Variants in FGFR1OP2 observed in about 807,000 individuals in gnomAD.
FGFR1OP2 encodes fibroblast growth factor receptor 1 oncogene partner 2.
Under a neutral mutation model 35.2 loss-of-function variants are expected in FGFR1OP2, and 17 were observed. The observed-to-expected ratio is 0.48, with a 90% CI of 0.33 to 0.73. The LOEUF is 0.73. Among genes scored for constraint, FGFR1OP2 ranks in the 30% least tolerant of loss-of-function variants. The pLI is 0.02. For synonymous variants in FGFR1OP2, 105 were observed against 104.6 expected, an observed-to-expected ratio of 1.00 and a Z score of -0.03; for missense variants, 251 against 307.3, an observed-to-expected ratio of 0.82 and a Z score of 1.37.
intron 1 of FGFR1OP2, among the ~76,000 whole-genome samples, chr12:26,950,678 G>A (rs1938913862): frequency 6.6e-6 from 1 of 152,186 alleles, no homozygotes; most frequent in Non-Finnish European, 1.5e-5. Context: ...TAAGTCATTT[G>A]ATCAGTCTGG....
intron 5 of FGFR1OP2, chr12:26,962,763 C>A (rs1188532770): frequency 1.3e-5 from 2 of 152,076 alleles, no homozygotes; most frequent in African/African-American, 4.8e-5. Flanking sequence ...GCAAAGAAGG[C>A]CATTTAATAT....
chr12:26,960,649 A>G lies in FGFR1OP2; in HGVS notation c.510+21A>G, dbSNP rs200647900. 29 of 1,601,242 alleles carry G rather than the reference A, an allele frequency of 1.8e-5. No homozygotes were observed. In the African/African-American group the frequency reaches 3.3e-4, roughly 18 times the overall value. Reference sequence around the variant, plus strand: ...AGAATGTACACTAAATAAACAGTCAACTTTTGGGGTGTGGATGGAAGGGGG... The same window carrying G: ...AGAATGTACACTAAATAAACAGTCAGCTTTTGGGGTGTGGATGGAAGGGGG... On this transcript the variant is annotated intron_variant, in intron 5 of 6. Transcript: ENST00000229395.
At position 26,953,032 on chromosome 12, in the gene FGFR1OP2, G is replaced by T. The variant is rs145323272; in HGVS notation, c.-14-1113G>T. Among the ~76,000 whole-genome samples the T allele has an allele frequency of 3.8e-3, 576 of 152,158 alleles. 1 individual carries two copies. The highest frequency in any genetic ancestry group is 0.013 in the African/African-American group (550 of 41,524). ...AATCCCAGCGCTTTGGGAGGCCAAG[G>T]CGGGCGGATCATGAGGTCAGGAGAT... On this transcript the variant is annotated intron_variant, in intron 1 of 6. Coordinates refer to ENST00000229395, the MANE Select transcript of FGFR1OP2 (RefSeq NM_015633.3).
In FGFR1OP2 at chr12:26,951,477, G is replaced by A. The variant is rs141581128; in HGVS notation, c.-14-2668G>A. On this transcript the variant is annotated intron_variant, in intron 1 of 6. Coordinates refer to ENST00000229395, the MANE Select transcript of FGFR1OP2 (RefSeq NM_015633.3). ...TGGTATCACAGGTGTGTGCCACCACGCCCAGCTAATTTTTGTATTTTTAGT... is the reference window on the plus strand; with the variant it reads ...TGGTATCACAGGTGTGTGCCACCACACCCAGCTAATTTTTGTATTTTTAGT... 6.7e-3 allele frequency among the ~76,000 whole-genome samples: 1,016 copies of A among 152,118 alleles called. 11 individuals are homozygous for A. The highest frequency in any genetic ancestry group is 0.023 in the African/African-American group (973 of 41,464).
At chr12:26,961,581 A>G (rs912611073) in intron 5 of FGFR1OP2, 1 of 152,220 alleles carries the variant, frequency 6.6e-6, no homozygotes, top group Non-Finnish European at 1.5e-5. Context: ...TACTAAAAAT[A>G]CAAAAAGTTA....
intron 6 of FGFR1OP2, 62 bp downstream of exon 6, chr12:26,963,517 A>G (rs1007259749): frequency 1.5e-5 from 16 of 1,062,842 alleles, no homozygotes; most frequent in South Asian, 7.6e-5. Context: ...GCCAGAAAAT[A>G]TATCCCATTT....
At chr12:26,950,441 T>G (rs895979044) in intron 1 of FGFR1OP2, among the ~76,000 whole-genome samples, 69 of 151,912 alleles carry the variant, frequency 4.5e-4, no homozygotes, top group Non-Finnish European at 7.8e-4. Context: ...TTAGCCAGGA[T>G]GGTCTCGATC....
chr12:26,957,830 G>A (rs551490388), intron 4 of FGFR1OP2, 87 bp downstream of exon 4: 14 of 1,174,096 alleles, frequency 1.2e-5, no homozygotes, highest in Middle Eastern at 2.2e-4. Context: ...AAAAATCACA[G>A]GTATCTAGTA....
Position 26,942,034 on chromosome 12 carries a change from G to GGTTT in FGFR1OP2, c.-15+3339_-15+3342dup, listed in dbSNP as rs755952694. On this transcript the variant is annotated intron_variant, in intron 1 of 6. Coordinates refer to ENST00000229395, the MANE Select transcript of FGFR1OP2 (RefSeq NM_015633.3). ...TGTGGTGCTGTCATTCAGCTTTGTT[G>GGTTT]GTTTGTTTGTTTGTTTGTGATGGAA... is the stretch of plus-strand genomic sequence containing the variant. Among the ~76,000 whole-genome samples, 111 of 152,120 alleles carry GGTTT rather than the reference G, an allele frequency of 7.3e-4. 3 individuals are homozygous for GGTTT. The South Asian group carries it at 0.021, about 29-fold the overall frequency.
chr12:26,942,253 G>T (rs373892007), intron 1 of FGFR1OP2, among the ~76,000 whole-genome samples: 2 of 152,158 alleles, frequency 1.3e-5, no homozygotes, highest in South Asian at 2.1e-4. Flanking sequence ...GGCTGGTCTC[G>T]ATCTCCTGAC....
chr12:26,952,087 C>CTTTTTTTTTTTTT (rs34270981), intron 1 of FGFR1OP2, among the ~76,000 whole-genome samples: 3 of 117,220 alleles, frequency 2.6e-5, no homozygotes, highest in African/African-American at 6.5e-5. Flanking sequence ...AGTGCCCGTC[C>CTTTTTTTTTTTTT]TTTTTTTTTT....
At chr12:26,946,046 T>C (rs1055496451) in intron 1 of FGFR1OP2, among the ~76,000 whole-genome samples, 1 of 152,214 alleles carries the variant, frequency 6.6e-6, no homozygotes, top group Non-Finnish European at 1.5e-5. Flanking sequence ...TAGTGGATGC[T>C]GTTCATTTTG....
In FGFR1OP2 at chr12:26,964,874, T is replaced by A; in HGVS notation, c.*141T>A. On this transcript the variant is annotated 3_prime_UTR_variant, in exon 7 of 7. Transcript: ENST00000229395. ...CGGGCTATGAGATAGCAACAAAAAA[T>A]GCATAGTTAATGGTCATAGACTTTA... 1 of 772,400 alleles carries A rather than the reference T, an allele frequency of 1.3e-6. No homozygotes were observed. Among genetic ancestry groups the A allele is most frequent in the Non-Finnish European group, 2.0e-6 (1 of 505,934 alleles). The allele number at this position is 772,400 out of a possible 1,614,324, so 47.8% of individuals were successfully genotyped here.
chr12:26,957,714 A>G lies in FGFR1OP2; in HGVS notation c.367A>G (p.Ile123Val). ...TAGCAAAAAAGATGATCCGGGTATA[A>G]TAATGAAGTTAAAAGAGCAGCACTC... is the stretch of plus-strand genomic sequence containing the variant. ...MASKKDDPGI[I>V]MKLKEQHSKI... Residue 123 changes from isoleucine to valine, a missense_variant, in exon 4 of 7, where the codon ATA becomes GTA. By Grantham distance (29) the Ile-to-Val change is conservative. Coordinates refer to ENST00000229395, the MANE Select transcript of FGFR1OP2 (RefSeq NM_015633.3). 6.2e-7 allele frequency: 1 copy of G among 1,613,720 alleles called. No individual in the cohort carries two copies. The highest frequency in any genetic ancestry group is 8.5e-7 in the Non-Finnish European group (1 of 1,179,816).
At chr12:26,954,935 A>C (rs1259768918) in intron 2 of FGFR1OP2, among the ~76,000 whole-genome samples, 2 of 152,216 alleles carry the variant, frequency 1.3e-5, no homozygotes, top group Non-Finnish European at 2.9e-5. Flanking sequence ...TGACATTATG[A>C]TGGAAATCAG....
rs548518791 is a variant in FGFR1OP2 at position 26,943,389 on chromosome 12, T to G, written c.-15+4679T>G. Among the ~76,000 whole-genome samples, 13 of 152,376 alleles carry G rather than the reference T, an allele frequency of 8.5e-5. No individual in the cohort carries two copies. The South Asian group carries it at 2.1e-3, about 24-fold the overall frequency. ...GAAAACAAATAGTTTCTTCAACTTTTTTTGTTTTCATAGTTGTTTTGTTGT... is the reference window on the plus strand; with the variant it reads ...GAAAACAAATAGTTTCTTCAACTTTGTTTGTTTTCATAGTTGTTTTGTTGT... On this transcript the variant is annotated intron_variant, in intron 1 of 6. Transcript: ENST00000229395.
chr12:26,957,786 C>T (rs569564995), intron 4 of FGFR1OP2, 43 bp downstream of exon 4: 88 of 1,509,530 alleles, frequency 5.8e-5, no homozygotes, highest in African/African-American at 2.7e-4. Flanking sequence ...AAAAGAGAGA[C>T]GATTGATTAT....
At chr12:26,939,299 C>T (rs1172404153) in intron 1 of FGFR1OP2, among the ~76,000 whole-genome samples, 5 of 152,096 alleles carry the variant, frequency 3.3e-5, no homozygotes, top group Admixed American at 6.5e-5. Flanking sequence ...ACTGGTTTCC[C>T]TACTATAATC....
At chr12:26,943,372 A>G (rs1028168495) in intron 1 of FGFR1OP2, among the ~76,000 whole-genome samples, 1 of 152,196 alleles carries the variant, frequency 6.6e-6, no homozygotes, top group Non-Finnish European at 1.5e-5. Flanking sequence ...CTGAAAACAA[A>G]TAGTTTCTTC....
Sources: allele counts gnomAD v4.1 joint callset (sites outside exome capture counted in the v4.1 genomes callset), GRCh38; gene constraint gnomAD v4.1.1; transcripts MANE v1.5; gene names NCBI Gene and HGNC (gene_info 2026-07-23, HGNC 2026-07-21).